Variants in BACE2 observed in about 807,000 individuals in gnomAD.
The protein encoded by BACE2 is 56 kDa aspartic-like protease.
A neutral mutation model predicts 46.2 loss-of-function variants in BACE2; 17 were observed. That is an observed-to-expected ratio of 0.37 (90% CI 0.25 to 0.55). BACE2 has a LOEUF of 0.55. Among genes scored for constraint, BACE2 ranks in the 20% least tolerant of loss-of-function variants. The pLI is 0.82. For synonymous variants in BACE2, 277 were observed against 295.9 expected, an observed-to-expected ratio of 0.94 and a Z score of 0.66; for missense variants, 595 against 698.1, an observed-to-expected ratio of 0.85 and a Z score of 1.66.
intron 2 of BACE2, among the ~76,000 whole-genome samples, chr21:41,227,736 C>T (rs1228947271): frequency 6.6e-6 from 1 of 152,168 alleles, no homozygotes. Context: ...TTGATATTCC[C>T]GGATACAACT....
chr21:41,275,739 C>G lies in BACE2; in HGVS notation c.*115C>G, dbSNP rs957838783. On this transcript the variant is annotated 3_prime_UTR_variant, in exon 9 of 9. Transcript: ENST00000330333. ...TCTCCTGTGCCCACCCGTCTTCAAT[C>G]TCTGTTCTGCTCCCAGATGCCTTCT... The G allele has an allele frequency of 1.4e-5, 18 of 1,241,416 alleles. No homozygotes were observed. The Admixed American group carries it at 4.5e-4, about 31-fold the overall frequency. The allele number at this position is 1,241,416 out of a possible 1,614,324, so 76.9% of individuals were successfully genotyped here. A position where few individuals can be genotyped will look rare whatever the true frequency, so the allele number is the denominator to read the frequency against.
chr21:41,262,015 A>G (rs994788103), intron 8 of BACE2, among the ~76,000 whole-genome samples: 13 of 152,190 alleles, frequency 8.5e-5, no homozygotes, highest in African/African-American at 3.1e-4. Context: ...TTCTAAAAGT[A>G]AGGACATTCT....
chr21:41,260,756 G>T (rs951199217), intron 8 of BACE2, among the ~76,000 whole-genome samples: 1 of 152,168 alleles, frequency 6.6e-6, no homozygotes, highest in Non-Finnish European at 1.5e-5. Context: ...TCCGTTGGTC[G>T]CACAGAATGA....
At chr21:41,203,895 A>G (rs1986043747) in intron 1 of BACE2, among the ~76,000 whole-genome samples, 1 of 152,192 alleles carries the variant, frequency 6.6e-6, no homozygotes, top group South Asian at 2.1e-4. Flanking sequence ...TGGAGAGGAC[A>G]TTGCTACAGA....
intron 1 of BACE2, 117 bp downstream of exon 1, chr21:41,168,692 G>C: frequency 7.1e-6 from 4 of 565,090 alleles, no homozygotes; most frequent in Non-Finnish European, 7.5e-6. Context: ...TCCCCGCACA[G>C]AAGAGCGGGG....
rs1461313671 is a variant in BACE2, at chr21:41,193,656, TG to T, written c.312+25086del. ...CACCCTACCAGTCAGGGAGCCAGTG[TG>T]GGGGTTCTGCCTGCTACTAAGCATA... On this transcript the variant is annotated intron_variant, in intron 1 of 8. Coordinates refer to ENST00000330333, the MANE Select transcript of BACE2 (RefSeq NM_012105.5). This position sits in a 1 kb window ranked among gnomAD's most constrained non-coding sequence, Gnocchi z 4.2. Among the ~76,000 whole-genome samples, 1 of 152,198 alleles carries T rather than the reference TG, an allele frequency of 6.6e-6. No homozygotes were observed. The highest frequency in any genetic ancestry group is 6.5e-5 in the Admixed American group (1 of 15,284).
chr21:41,171,673 A>G (rs1311017636), intron 1 of BACE2, among the ~76,000 whole-genome samples: 2 of 152,234 alleles, frequency 1.3e-5, no homozygotes, highest in Non-Finnish European at 2.9e-5. Context: ...AGCAATTTCT[A>G]TTATGAAAAA....
At chr21:41,199,924 T>G (rs1985897347) in intron 1 of BACE2, among the ~76,000 whole-genome samples, 1 of 151,798 alleles carries the variant, frequency 6.6e-6, no homozygotes, top group African/African-American at 2.4e-5. Context: ...TTTTTGTCCT[T>G]GCGACAGTTT....
At chr21:41,205,133 G>T (rs763513124) in intron 1 of BACE2, among the ~76,000 whole-genome samples, 4 of 152,158 alleles carry the variant, frequency 2.6e-5, no homozygotes, top group Non-Finnish European at 4.4e-5. Context: ...AAACGAAGAT[G>T]AAATTTTAGA....
In BACE2 at chr21:41,282,401, C is replaced by T. The variant is rs183012219; in HGVS notation, c.*6777C>T. 1.1e-3 allele frequency: 162 copies of T among 152,294 alleles called. No individual in the cohort carries two copies. Among genetic ancestry groups the T allele is most frequent in the African/African-American group, 3.7e-3 (153 of 41,554 alleles). The allele number at this position is 152,294 out of a possible 1,614,324, so 9.4% of individuals were successfully genotyped here. ...TACTGACAAATGTCTGAACTATTGTCGTGCCCTTCAAAACTGGAGTTTTCT... is the reference window on the plus strand; with the variant it reads ...TACTGACAAATGTCTGAACTATTGTTGTGCCCTTCAAAACTGGAGTTTTCT... On this transcript the variant is annotated 3_prime_UTR_variant, in exon 9 of 9. Transcript: ENST00000330333.
In BACE2 at chr21:41,168,399, A is replaced by T. The variant is rs1345645679; in HGVS notation, c.136A>T (p.Thr46Ser). Reference protein sequence around the residue: ...AAATNRVVAPTPGPGTPAERH... With the variant: ...AAATNRVVAPSPGPGTPAERH... ...GGCCACGAACCGCGTAGTTGCGCCCACCCCGGGACCCGGGACCCCTGCCGA... is the reference window on the plus strand; with the variant it reads ...GGCCACGAACCGCGTAGTTGCGCCCTCCCCGGGACCCGGGACCCCTGCCGA... The change falls in exon 1 of 9, where the codon ACC (threonine) becomes TCC (serine). Residue 46 changes from threonine (T) to serine (S), a missense_variant. By Grantham distance (58) the Thr-to-Ser change is moderately conservative. Coordinates refer to ENST00000330333, the MANE Select transcript of BACE2 (RefSeq NM_012105.5). The T allele has an allele frequency of 3.5e-6, 5 of 1,411,328 alleles. No homozygotes were observed. In the South Asian group the frequency reaches 7.8e-5, roughly 22 times the overall value. 87.4% of individuals were successfully genotyped at this position (1,411,328 alleles called of 1,614,324 possible). A position where few individuals can be genotyped will look rare whatever the true frequency, so the allele number is the denominator to read the frequency against.
chr21:41,180,709 T>C (rs1985090284), intron 1 of BACE2: 1 of 167,132 alleles, frequency 6.0e-6, no homozygotes, highest in Non-Finnish European at 1.5e-5. Context: ...TGACCAGATA[T>C]AGTTGGGGGC....
At chr21:41,263,971 C>G (rs778990453) in intron 8 of BACE2, among the ~76,000 whole-genome samples, 6 of 152,178 alleles carry the variant, frequency 3.9e-5, no homozygotes, top group Non-Finnish European at 8.8e-5. Flanking sequence ...TTCTGGATCT[C>G]TCATTTCAAG....
chr21:41,168,482 C>T lies in BACE2; in HGVS notation c.219C>T (p.Gly73=). The change falls in exon 1 of 9, where the codon GGC becomes GGT. Residue 73 remains glycine, a synonymous_variant. Coordinates refer to ENST00000330333, the MANE Select transcript of BACE2 (RefSeq NM_012105.5). ...ALEPALASPA[G]AANFLAMVDN... is the part of the protein sequence containing the mutation. Reference sequence around the variant, plus strand: ...AGCCTGCCCTGGCGTCCCCCGCGGGCGCCGCCAACTTCTTGGCCATGGTAG... The same window carrying T: ...AGCCTGCCCTGGCGTCCCCCGCGGGTGCCGCCAACTTCTTGGCCATGGTAG... 1.4e-6 allele frequency: 2 copies of T among 1,388,024 alleles called. No homozygotes were observed. The highest frequency in any genetic ancestry group is 1.9e-6 in the Non-Finnish European group (2 of 1,067,144). 86.0% of individuals were successfully genotyped at this position (1,388,024 alleles called of 1,614,324 possible).
intron 1 of BACE2, among the ~76,000 whole-genome samples, chr21:41,189,118 T>C (rs939978749): frequency 2.0e-5 from 3 of 152,140 alleles, no homozygotes; most frequent in Admixed American, 6.5e-5. Context: ...CTGTTTTCTT[T>C]CCCTCCAGAA....
At chr21:41,245,507 T>G (rs1045654858) in intron 5 of BACE2, among the ~76,000 whole-genome samples, 1 of 152,262 alleles carries the variant, frequency 6.6e-6, no homozygotes, top group Non-Finnish European at 1.5e-5. Flanking sequence ...ATGGGATGTC[T>G]GTTGAAAAAT....
chr21:41,243,061 G>A (rs1047866019), intron 4 of BACE2, among the ~76,000 whole-genome samples: 8 of 151,966 alleles, frequency 5.3e-5, no homozygotes, highest in Admixed American at 2.0e-4. Flanking sequence ...CTACAGGTGC[G>A]CGCCACCTTG....
intron 3 of BACE2, among the ~76,000 whole-genome samples, chr21:41,238,258 C>T (rs1987182803): frequency 2.0e-5 from 3 of 152,238 alleles, no homozygotes; most frequent in Admixed American, 2.0e-4. Context: ...CAGCCCTTCC[C>T]AGTGGTGGTG....
rs542734426 is a variant in BACE2, at chr21:41,203,522, C to T, written c.313-22744C>T. Among the ~76,000 whole-genome samples, 13 of 152,068 alleles carry T rather than the reference C, an allele frequency of 8.5e-5. No homozygotes were observed. The South Asian group carries it at 2.3e-3, about 27-fold the overall frequency. ...GCTATTGTTGAGAGTTGCCTGGCTG[C>T]GAGGGTGAATGAGGAGTGTGGTTTT... On this transcript the variant is annotated intron_variant, in intron 1 of 8. Coordinates refer to ENST00000330333, the MANE Select transcript of BACE2 (RefSeq NM_012105.5).
Sources: gnomAD v4.1 joint callset for allele counts (sites outside exome capture counted in the v4.1 genomes callset) on GRCh38, gnomAD v4.1.1 for gene constraint, Gnocchi (gnomAD v3.1) non-coding constraint, MANE v1.5 for transcripts, NCBI Gene and HGNC (gene_info 2026-07-23, HGNC 2026-07-21) for gene names.